The following CTNNA3 variants were observed in gnomAD, a reference collection of about 807,000 sequenced individuals.
CTNNA3 encodes catenin alpha-3.
Under a neutral mutation model 95.7 loss-of-function variants are expected in CTNNA3, and 76 were observed. The ratio of observed to expected loss-of-function variants is 0.79; its 90% CI spans 0.66 to 0.96. The LOEUF is 0.96. Ranked by LOEUF, CTNNA3 falls within the 40% of genes least tolerant of loss-of-function variation. The pLI is 0.00. For missense variants in CTNNA3, 1,191 were observed against 1,089.8 expected (o/e 1.09, Z -1.31); for synonymous variants, 431 against 374.4 (o/e 1.15, Z -1.74).
chr10:67,661,963 G>A (rs1447389706), intron 1 of CTNNA3, among the ~76,000 whole-genome samples: 2 of 152,180 alleles, frequency 1.3e-5, no homozygotes, highest in African/African-American at 2.4e-5. Flanking sequence ...CCACTTTAGA[G>A]AAAAGCTTGG....
chr10:66,169,348 G>T (rs1282826864), intron 13 of CTNNA3, among the ~76,000 whole-genome samples: 1 of 152,132 alleles, frequency 6.6e-6, no homozygotes, highest in Non-Finnish European at 1.5e-5. Context: ...TGCTCTGAAT[G>T]CCATTAATTC....
rs1589220495 is a variant in CTNNA3, at chr10:65,988,611, T to C, written c.2265+81A>G. 6 of 1,134,840 alleles carry C rather than the reference T, an allele frequency of 5.3e-6. 1 individual carries two copies. The African/African-American group carries it at 9.2e-5, about 17-fold the overall frequency. 70.3% of individuals were successfully genotyped at this position (1,134,840 alleles called of 1,614,324 possible). ...AAAAATGGTTGAAGAGAGTAAAAAT[T>C]TAACTTTGCCTAAATCAATGTTCTA... On this transcript the variant is annotated intron_variant, in intron 16 of 17. Coordinates refer to ENST00000433211, the MANE Select transcript of CTNNA3 (RefSeq NM_013266.4).
At chr10:66,998,020 C>T (rs956916646) in intron 7 of CTNNA3, among the ~76,000 whole-genome samples, 1 of 152,180 alleles carries the variant, frequency 6.6e-6, no homozygotes, top group Non-Finnish European at 1.5e-5. Context: ...TCCCTGCCCA[C>T]CAGGCTCAGT....
chr10:67,191,465 T>C (rs1028942932), intron 6 of CTNNA3, among the ~76,000 whole-genome samples: 1 of 151,700 alleles, frequency 6.6e-6, no homozygotes, highest in African/African-American at 2.4e-5. Context: ...AACAACAAAC[T>C]ATCTGAAAAA....
intron 5 of CTNNA3, among the ~76,000 whole-genome samples, chr10:67,289,617 A>G (rs915820816): frequency 2.0e-5 from 3 of 152,150 alleles, no homozygotes; most frequent in African/African-American, 7.2e-5. Flanking sequence ...AAACATGTTC[A>G]GTACATGTAT....
At chr10:66,367,448 C>T (rs145049806) in intron 12 of CTNNA3, among the ~76,000 whole-genome samples, 139 of 150,544 alleles carry the variant, frequency 9.2e-4, no homozygotes, top group African/African-American at 3.4e-3. Context: ...ACATACTATA[C>T]ATATATAGTT....
intron 3 of CTNNA3, among the ~76,000 whole-genome samples, chr10:67,595,729 T>C (rs1001548543): frequency 6.6e-6 from 1 of 152,168 alleles, no homozygotes; most frequent in African/African-American, 2.4e-5. Context: ...GTCAGTAGGG[T>C]GTTGAAGTCT....
intron 4 of CTNNA3, among the ~76,000 whole-genome samples, chr10:67,525,433 T>C (rs1840112656): frequency 1.3e-5 from 2 of 152,168 alleles, no homozygotes; most frequent in African/African-American, 4.8e-5. Context: ...AGCTGACAAA[T>C]TATTTTGCAA....
chr10:67,003,177 A>G (rs959705108), intron 7 of CTNNA3, among the ~76,000 whole-genome samples: 1 of 152,226 alleles, frequency 6.6e-6, no homozygotes, highest in Non-Finnish European at 1.5e-5. Flanking sequence ...ATGCCTGCTG[A>G]ATCAGACTGC....
At chr10:66,831,851 T>A (rs909309606) in intron 7 of CTNNA3, among the ~76,000 whole-genome samples, 1 of 152,190 alleles carries the variant, frequency 6.6e-6, no homozygotes. Flanking sequence ...AGGGATGAGA[T>A]ATTCTGATTA....
chr10:66,725,949 T>C (rs527586812), intron 9 of CTNNA3, among the ~76,000 whole-genome samples: 7 of 152,248 alleles, frequency 4.6e-5, no homozygotes, highest in African/African-American at 1.7e-4. Flanking sequence ...TAATTAGTCC[T>C]TTAGGATAAC....
intron 17 of CTNNA3, 79 bp from the exon 18 acceptor site, chr10:65,920,696 T>C (rs2077072878): frequency 5.5e-6 from 8 of 1,458,860 alleles, no homozygotes; most frequent in African/African-American, 1.4e-5. Flanking sequence ...CATGGTGGCA[T>C]GTGCCCGTTG....
intron 5 of CTNNA3, among the ~76,000 whole-genome samples, chr10:67,246,099 A>G (rs1865895594): frequency 6.6e-6 from 1 of 152,226 alleles, no homozygotes; most frequent in Admixed American, 6.5e-5. Context: ...TGAAAGGTCA[A>G]CTGCGTATGA....
At chr10:66,695,440 C>T (rs996924873) in intron 9 of CTNNA3, among the ~76,000 whole-genome samples, 2 of 152,004 alleles carry the variant, frequency 1.3e-5, no homozygotes, top group African/African-American at 4.8e-5. Flanking sequence ...TTTCTACTTC[C>T]CAGGGAAAAT....
chr10:67,114,247 G>A (rs1363931053), intron 7 of CTNNA3, among the ~76,000 whole-genome samples: 2 of 151,842 alleles, frequency 1.3e-5, no homozygotes, highest in Non-Finnish European at 1.5e-5. Context: ...TCTATAATTG[G>A]TATATTTAAT....
chr10:66,347,339 C>T (rs1385777992), intron 12 of CTNNA3, among the ~76,000 whole-genome samples: 1 of 151,970 alleles, frequency 6.6e-6, no homozygotes, highest in African/African-American at 2.4e-5. Flanking sequence ...GGCTGGATGC[C>T]ATGGCTCACA....
chr10:66,112,061 A>T (rs1013033798), intron 13 of CTNNA3, among the ~76,000 whole-genome samples: 8 of 152,196 alleles, frequency 5.3e-5, no homozygotes, highest in Admixed American at 3.9e-4. Flanking sequence ...ACACTGAGAG[A>T]TCTCAACGCT....
At chr10:67,628,066 G>A (rs7072630) in intron 2 of CTNNA3, among the ~76,000 whole-genome samples, 20,031 of 150,774 alleles carry the variant, frequency 0.13, 2,367 homozygotes, top group African/African-American at 0.32. Flanking sequence ...AAATAATTAA[G>A]GTGAATGAAA....
At chr10:66,786,899 C>T (rs1456146498) in intron 7 of CTNNA3, among the ~76,000 whole-genome samples, 1 of 152,114 alleles carries the variant, frequency 6.6e-6, no homozygotes, top group East Asian at 1.9e-4. Context: ...GGAGGACAAC[C>T]TAAGGGCAAA....
Sources: gnomAD v4.1 joint callset for allele counts (sites outside exome capture counted in the v4.1 genomes callset) on GRCh38, gnomAD v4.1.1 for gene constraint, MANE v1.5 for transcripts, NCBI Gene and HGNC (gene_info 2026-07-23, HGNC 2026-07-21) for gene names.